ASIC2: variants seen among roughly 807,000 people sequenced by gnomAD.
The protein encoded by ASIC2 is acid-sensing ion channel 2.
ASIC2 carries 25 observed loss-of-function variants against 57.3 expected under a neutral mutation model. The observed-to-expected ratio is 0.44, with a 90% CI of 0.32 to 0.61. The LOEUF is 0.61. Among genes scored for constraint, ASIC2 ranks in the 20% least tolerant of loss-of-function variants. The pLI is 0.06. For missense variants in ASIC2, 641 were observed against 738.1 expected, an observed-to-expected ratio of 0.87 and a Z score of 1.52; for synonymous variants, 319 against 307.5, an observed-to-expected ratio of 1.04 and a Z score of -0.39.
In ASIC2 at chr17:34,026,780, G is replaced by T. The variant is rs143470823; in HGVS notation, c.555+129198C>A. Among the ~76,000 whole-genome samples the T allele has an allele frequency of 3.6e-3, 546 of 152,290 alleles. 6 individuals carry two copies. Among genetic ancestry groups the T allele is most frequent in the Admixed American group, 5.4e-3 (82 of 15,302 alleles). ...AGATGAGAAAACTGAGGCCCAGAGA[G>T]GGATAGTGACCTATTCAAGGCATAC... On this transcript the variant is annotated intron_variant, in intron 1 of 9. Transcript: ENST00000359872.
At chr17:33,024,638 A>G (rs968442404) in intron 5 of ASIC2, among the ~76,000 whole-genome samples, 2 of 152,278 alleles carry the variant, frequency 1.3e-5, no homozygotes, top group Non-Finnish European at 2.9e-5. Context: ...CCTGTTCTCA[A>G]CTAGGCCTTG....
At chr17:33,215,179 AG>A (rs1686060046) in intron 1 of ASIC2, among the ~76,000 whole-genome samples, 1 of 152,254 alleles carries the variant, frequency 6.6e-6, no homozygotes. Context: ...ATACTTTAAA[AG>A]AATGATTGCA....
chr17:33,404,864 C>G (rs2141960849), intron 1 of ASIC2, among the ~76,000 whole-genome samples: 1 of 152,264 alleles, frequency 6.6e-6, no homozygotes, highest in East Asian at 1.9e-4. Flanking sequence ...TATATTACTA[C>G]TTGATGTCTT....
chr17:33,800,875 C>T (rs932267212), intron 1 of ASIC2, among the ~76,000 whole-genome samples: 1 of 152,108 alleles, frequency 6.6e-6, no homozygotes, highest in Non-Finnish European at 1.5e-5. Context: ...AAGGGATGCA[C>T]AGAGACATTA....
chr17:34,090,053 C>G (rs1449084242), intron 1 of ASIC2, among the ~76,000 whole-genome samples: 2 of 152,156 alleles, frequency 1.3e-5, no homozygotes, highest in Non-Finnish European at 2.9e-5. Flanking sequence ...CTGATGGAAG[C>G]TTCACAGCAC....
At chr17:33,109,778 G>A (rs1402719359) in intron 2 of ASIC2, among the ~76,000 whole-genome samples, 1 of 152,228 alleles carries the variant, frequency 6.6e-6, no homozygotes, top group African/African-American at 2.4e-5. Flanking sequence ...GGTCAGAACA[G>A]TCTTGGTTCA....
chr17:33,912,944 C>T lies in ASIC2; in HGVS notation c.555+243034G>A, dbSNP rs190663518. On this transcript the variant is annotated intron_variant, in intron 1 of 9. Coordinates refer to the ASIC2 transcript ENST00000359872. ...CAGTGAGCCAAGATTTGCCATTGCACTCCAGCCTGGGCAACAAGAGCGAAA... is the reference window on the plus strand; with the variant it reads ...CAGTGAGCCAAGATTTGCCATTGCATTCCAGCCTGGGCAACAAGAGCGAAA... Among the ~76,000 whole-genome samples, 14 of 152,174 alleles carry T rather than the reference C, an allele frequency of 9.2e-5. No homozygotes were observed. In the East Asian group the frequency reaches 2.7e-3, roughly 29 times the overall value.
intron 1 of ASIC2, among the ~76,000 whole-genome samples, chr17:33,482,508 G>A (rs12453548): frequency 0.2 from 30,973 of 152,108 alleles, 3,852 homozygotes; most frequent in Non-Finnish European, 0.28. Flanking sequence ...CCATATTCTC[G>A]AGAAGTCATT....
intron 1 of ASIC2, among the ~76,000 whole-genome samples, chr17:34,127,963 C>A (rs1246947335): frequency 6.6e-6 from 1 of 152,052 alleles, no homozygotes; most frequent in Non-Finnish European, 1.5e-5. Flanking sequence ...AGCTGTGTGA[C>A]TGTGGGGAAG....
intron 1 of ASIC2, among the ~76,000 whole-genome samples, chr17:33,378,285 T>C (rs1909352437): frequency 1.3e-5 from 2 of 152,244 alleles, no homozygotes; most frequent in Admixed American, 1.3e-4. Context: ...AGCTAAACAT[T>C]GTGGCCACCA....
chr17:33,524,154 C>T (rs924611947), intron 1 of ASIC2, among the ~76,000 whole-genome samples: 8 of 152,316 alleles, frequency 5.3e-5, no homozygotes, highest in African/African-American at 1.9e-4. Flanking sequence ...CCAGGCTCAG[C>T]CTCTGAGATT....
intron 1 of ASIC2, among the ~76,000 whole-genome samples, chr17:33,892,769 T>TCACATGTA (rs776978200): frequency 2.6e-5 from 4 of 152,310 alleles, no homozygotes; most frequent in Non-Finnish European, 4.4e-5. Context: ...GTGCTCACAC[T>TCACATGTA]GGAGTACTAC....
chr17:33,495,117 A>C (rs1913886028), intron 1 of ASIC2, among the ~76,000 whole-genome samples: 1 of 152,138 alleles, frequency 6.6e-6, no homozygotes, highest in South Asian at 2.1e-4. Flanking sequence ...CAGGGTGCAA[A>C]ATTTAGGGAG....
At chr17:33,605,923 C>T (rs534260336) in intron 1 of ASIC2, among the ~76,000 whole-genome samples, 3 of 152,208 alleles carry the variant, frequency 2.0e-5, no homozygotes, top group South Asian at 4.2e-4. Flanking sequence ...TCTGAACTCA[C>T]CAGCTCCCAC....
chr17:34,054,093 T>C (rs1338591793), intron 1 of ASIC2, among the ~76,000 whole-genome samples: 4 of 152,254 alleles, frequency 2.6e-5, no homozygotes, highest in Non-Finnish European at 5.9e-5. Context: ...GTCAACCGTA[T>C]GTTCTTTTCA....
chr17:33,433,524 G>A (rs1258127143), intron 1 of ASIC2, among the ~76,000 whole-genome samples: 1 of 152,206 alleles, frequency 6.6e-6, no homozygotes, highest in Non-Finnish European at 1.5e-5. Context: ...GGGAGGCCAA[G>A]GCGGGTGGAT....
At chr17:33,116,083 C>T (rs1388320506) in intron 1 of ASIC2, among the ~76,000 whole-genome samples, 1 of 152,138 alleles carries the variant, frequency 6.6e-6, no homozygotes, top group East Asian at 1.9e-4. Context: ...GGAAATAATC[C>T]TTTTAGGAAC....
At chr17:33,153,661 T>A (rs1567765262) in intron 1 of ASIC2, among the ~76,000 whole-genome samples, 1 of 152,220 alleles carries the variant, frequency 6.6e-6, no homozygotes, top group African/African-American at 2.4e-5. Flanking sequence ...ATTTCATGTC[T>A]ATGGTGAACA....
chr17:33,332,826 G>A lies in ASIC2; in HGVS notation c.556-220759C>T, dbSNP rs374905243. ...GAATCACTTGAACCCAGGAGGTGGA[G>A]GCTGCAGTGAGCTGAGATTGCGCCA... On this transcript the variant is annotated intron_variant, in intron 1 of 9. Transcript: ENST00000359872. Among the ~76,000 whole-genome samples, 45 of 152,320 alleles carry A rather than the reference G, an allele frequency of 3.0e-4. No individual in the cohort carries two copies. In the East Asian group the frequency reaches 4.1e-3, roughly 14 times the overall value.
Sources: gnomAD v4.1 joint callset for allele counts (sites outside exome capture counted in the v4.1 genomes callset) on GRCh38, gnomAD v4.1.1 for gene constraint, MANE v1.5 for transcripts, NCBI Gene and HGNC (gene_info 2026-07-23, HGNC 2026-07-21) for gene names.